The following KDM4C variants were observed in gnomAD, a reference collection of about 807,000 sequenced individuals.
KDM4C encodes the protein lysine-specific demethylase 4C.
A neutral mutation model predicts 129.3 loss-of-function variants in KDM4C; 81 were observed. That is an observed-to-expected ratio of 0.63 (90% CI 0.52 to 0.75). The LOEUF (loss-of-function observed/expected upper bound fraction) is 0.75, where lower values mean the gene tolerates loss of function less well. Ranked by LOEUF, KDM4C falls within the 30% of genes least tolerant of loss-of-function variation. KDM4C has a pLI of 0.00. For missense variants in KDM4C, 1,457 were observed against 1,304.0 expected (o/e 1.12, Z -1.81); for synonymous variants, 573 against 456.1 (o/e 1.26, Z -3.26).
chr9:7,165,182 T>C (rs922788557), intron 19 of KDM4C, 56 bp from the exon 20 acceptor site: 2 of 1,597,128 alleles, frequency 1.3e-6, no homozygotes, highest in Non-Finnish European at 1.7e-6. Context: ...TGCTAAGTTC[T>C]AAATGCAGTC....
intron 15 of KDM4C, among the ~76,000 whole-genome samples, chr9:7,045,464 G>A (rs1829258348): frequency 6.6e-6 from 1 of 151,830 alleles, no homozygotes; most frequent in African/African-American, 2.4e-5. Context: ...TTAAATTACT[G>A]GAAAAATACC....
At position 6,966,275 on chromosome 9, in the gene KDM4C, C is replaced by T. The variant is rs376857525; in HGVS notation, c.922-14650C>T. 7.1e-3 allele frequency among the ~76,000 whole-genome samples: 1,074 copies of T among 152,168 alleles called. 17 individuals carry two copies. Among genetic ancestry groups the T allele is most frequent in the African/African-American group, 0.025 (1,020 of 41,522 alleles). On this transcript the variant is annotated intron_variant, in intron 8 of 21. Coordinates refer to ENST00000381309, the MANE Select transcript of KDM4C (RefSeq NM_015061.6). The stretch of plus-strand genomic sequence containing the variant: ...TCGGCTCACTGCAAGCTCCGCCTTC[C>T]AGGTTCACGCCATTCTCCTGCCTCA...
chr9:7,026,419 G>T (rs563780296), intron 15 of KDM4C, among the ~76,000 whole-genome samples: 1 of 151,876 alleles, frequency 6.6e-6, no homozygotes, highest in Non-Finnish European at 1.5e-5. Flanking sequence ...CTCCTGGCCT[G>T]TTAGGTTTTC....
intron 15 of KDM4C, among the ~76,000 whole-genome samples, chr9:7,023,840 A>G (rs946351836): frequency 1.3e-5 from 2 of 151,980 alleles, no homozygotes; most frequent in Non-Finnish European, 2.9e-5. Flanking sequence ...TTCTGTTATC[A>G]TTTGTTTCAA....
chr9:7,091,794 A>G (rs10118608), intron 17 of KDM4C, among the ~76,000 whole-genome samples: 60,575 of 151,994 alleles, frequency 0.4, 12,329 homozygotes, highest in South Asian at 0.53. Context: ...CTGGGAAGAC[A>G]TGGGCAGGAA....
intron 8 of KDM4C, among the ~76,000 whole-genome samples, chr9:6,975,372 T>C (rs937442929): frequency 1.3e-5 from 2 of 152,204 alleles, no homozygotes; most frequent in East Asian, 1.9e-4. Context: ...AAGATTGAGA[T>C]GGAAAAATGT....
At chr9:6,934,222 C>T (rs7024481) in intron 8 of KDM4C, among the ~76,000 whole-genome samples, 52 of 151,838 alleles carry the variant, frequency 3.4e-4, no homozygotes, top group African/African-American at 1.1e-3. Flanking sequence ...GGTCTCACGC[C>T]GGTAATCCTA....
At chr9:6,943,554 G>T (rs756201651) in intron 8 of KDM4C, among the ~76,000 whole-genome samples, 1 of 151,806 alleles carries the variant, frequency 6.6e-6, no homozygotes, top group Non-Finnish European at 1.5e-5. Context: ...GTGTGCCTCT[G>T]GTCCTGGCTA....
At chr9:6,793,801 C>T (rs1380774046) in intron 2 of KDM4C, among the ~76,000 whole-genome samples, 1 of 152,112 alleles carries the variant, frequency 6.6e-6, no homozygotes, top group Non-Finnish European at 1.5e-5. Context: ...CCTCGGCTTC[C>T]CAAAGTGCGG....
intron 17 of KDM4C, among the ~76,000 whole-genome samples, chr9:7,076,201 A>G (rs901057299): frequency 1.3e-5 from 2 of 152,224 alleles, no homozygotes; most frequent in African/African-American, 4.8e-5. Context: ...AAAACCCAAA[A>G]TCTTCCTCTT....
intron 8 of KDM4C, among the ~76,000 whole-genome samples, chr9:6,967,576 A>C (rs546928132): frequency 5.1e-4 from 78 of 152,302 alleles, no homozygotes; most frequent in African/African-American, 1.8e-3. Flanking sequence ...GAAGGACTGG[A>C]GGAGTGAAAC....
chr9:6,852,389 G>T (rs909460980), intron 5 of KDM4C, among the ~76,000 whole-genome samples: 5 of 152,112 alleles, frequency 3.3e-5, no homozygotes, highest in African/African-American at 1.2e-4. Flanking sequence ...TGCTTGTCTG[G>T]ACTCCAGTTC....
chr9:7,017,259 C>T (rs888601056), intron 15 of KDM4C, among the ~76,000 whole-genome samples: 8 of 152,192 alleles, frequency 5.3e-5, no homozygotes, highest in Non-Finnish European at 1.0e-4. Flanking sequence ...TTTCAACTAG[C>T]ATGAGGTCTT....
At chr9:6,723,566 G>T in intron 1 of KDM4C, 1 of 150,010 alleles carries the variant, frequency 6.7e-6, no homozygotes. Flanking sequence ...CCCCACTGCT[G>T]GTGTCCTCTG....
intron 1 of KDM4C, chr9:6,734,651 G>T: frequency 3.4e-6 from 1 of 290,726 alleles, no homozygotes. Context: ...CTTGCCATCA[G>T]TCCTGCAAAG....
chr9:7,162,136 A>G (rs1165814550), intron 19 of KDM4C, among the ~76,000 whole-genome samples: 2 of 152,236 alleles, frequency 1.3e-5, no homozygotes, highest in Non-Finnish European at 1.5e-5. Flanking sequence ...GTTATGGATG[A>G]GAATCGTGCC....
chr9:6,938,607 C>T (rs1030875059), intron 8 of KDM4C, among the ~76,000 whole-genome samples: 4 of 152,180 alleles, frequency 2.6e-5, no homozygotes, highest in Admixed American at 2.6e-4. Context: ...TTTTCATTCT[C>T]CCTGATTTTT....
chr9:6,842,081 A>G (rs965261876), intron 4 of KDM4C, among the ~76,000 whole-genome samples: 3 of 152,222 alleles, frequency 2.0e-5, no homozygotes, highest in Non-Finnish European at 4.4e-5. Context: ...GTCTCACTCC[A>G]GTTACTGGAC....
intron 1 of KDM4C, 46 bp from the exon 2 acceptor site, chr9:6,792,926 A>G: frequency 1.3e-6 from 2 of 1,587,924 alleles, no homozygotes; most frequent in Non-Finnish European, 1.7e-6. Context: ...AATGACCTAA[A>G]GCATATAATA....
Sources: allele counts gnomAD v4.1 joint callset (sites outside exome capture counted in the v4.1 genomes callset), GRCh38; gene constraint gnomAD v4.1.1; transcripts MANE v1.5; gene names NCBI Gene and HGNC (gene_info 2026-07-23, HGNC 2026-07-21).